MACROD2: variants seen among roughly 807,000 people sequenced by gnomAD.
MACROD2 encodes the protein ADP-ribose glycohydrolase MACROD2.
Under a neutral mutation model 70.4 loss-of-function variants are expected in MACROD2, and 36 were observed. That is an observed-to-expected ratio of 0.51 (90% CI 0.39 to 0.68). The LOEUF is 0.68. MACROD2 is among the 30% of genes least tolerant of loss of function. The pLI, the probability that MACROD2 is intolerant of heterozygous loss-of-function variation, is 0.00. For synonymous variants in MACROD2, 172 were observed against 178.8 expected, an observed-to-expected ratio of 0.96 and a Z score of 0.30; for missense variants, 496 against 538.4, an observed-to-expected ratio of 0.92 and a Z score of 0.78.
chr20:14,090,864 A>G (rs1394821724), intron 3 of MACROD2, among the ~76,000 whole-genome samples: 1 of 152,164 alleles, frequency 6.6e-6, no homozygotes, highest in Non-Finnish European at 1.5e-5. Context: ...TACGTTCCCA[A>G]CAGTGTGCGG....
chr20:14,418,050 A>C (rs1164302417), intron 3 of MACROD2, among the ~76,000 whole-genome samples: 1 of 152,070 alleles, frequency 6.6e-6, no homozygotes, highest in African/African-American at 2.4e-5. Context: ...CTTAACTATA[A>C]GCTAACTGAA....
chr20:14,351,965 CA>C (rs2083126813), intron 3 of MACROD2, among the ~76,000 whole-genome samples: 1 of 152,160 alleles, frequency 6.6e-6, no homozygotes, highest in African/African-American at 2.4e-5. Flanking sequence ...AATGCTTTTT[CA>C]GCAGCAATTG....
chr20:15,728,284 G>A (rs576004502), intron 8 of MACROD2, among the ~76,000 whole-genome samples: 26 of 152,094 alleles, frequency 1.7e-4, no homozygotes, highest in Admixed American at 5.2e-4. Flanking sequence ...TTTTTGATAT[G>A]CTACTGGATT....
intron 5 of MACROD2, among the ~76,000 whole-genome samples, chr20:14,689,471 C>G (rs146738291): frequency 6.6e-6 from 1 of 152,268 alleles, no homozygotes; most frequent in East Asian, 1.9e-4. Flanking sequence ...AAACGTAACT[C>G]TAATCCTCTC....
chr20:14,221,988 T>C (rs570569381), intron 3 of MACROD2, among the ~76,000 whole-genome samples: 15 of 152,170 alleles, frequency 9.9e-5, no homozygotes, highest in African/African-American at 3.6e-4. Flanking sequence ...ACAAAACAGA[T>C]GTTGGTGAGG....
intron 5 of MACROD2, among the ~76,000 whole-genome samples, chr20:14,819,751 G>A (rs184413453): frequency 1.3e-4 from 20 of 152,166 alleles, no homozygotes; most frequent in Admixed American, 1.0e-3. Context: ...TCAGGGGAGC[G>A]GAAAGGAGAG....
intron 4 of MACROD2, among the ~76,000 whole-genome samples, chr20:14,597,426 A>T (rs1982216330): frequency 6.6e-6 from 1 of 152,180 alleles, no homozygotes; most frequent in South Asian, 2.1e-4. Flanking sequence ...GAGTGCTCAA[A>T]GAGTGAGTTG....
intron 3 of MACROD2, among the ~76,000 whole-genome samples, chr20:14,457,936 C>T (rs1227124165): frequency 6.6e-6 from 1 of 151,960 alleles, no homozygotes; most frequent in African/African-American, 2.4e-5. Flanking sequence ...CTCATCTCTA[C>T]TAAAAATACA....
intron 4 of MACROD2, among the ~76,000 whole-genome samples, chr20:14,551,243 A>T (rs755236928): frequency 6.6e-6 from 1 of 152,310 alleles, no homozygotes; most frequent in South Asian, 2.1e-4. Flanking sequence ...TTGGTTCCTT[A>T]ATGCAGTGCA....
At chr20:15,596,873 A>G (rs2048752587) in intron 8 of MACROD2, among the ~76,000 whole-genome samples, 1 of 152,196 alleles carries the variant, frequency 6.6e-6, no homozygotes, top group Non-Finnish European at 1.5e-5. Context: ...CAAATTCTGA[A>G]TATGCATATT....
At chr20:15,973,696 C>G (rs1445578604) in intron 13 of MACROD2, among the ~76,000 whole-genome samples, 1 of 152,026 alleles carries the variant, frequency 6.6e-6, no homozygotes. Context: ...TTGACTTAAA[C>G]TCAATAAAAA....
At chr20:14,356,504 T>C (rs866719517) in intron 3 of MACROD2, among the ~76,000 whole-genome samples, 6 of 133,796 alleles carry the variant, frequency 4.5e-5, no homozygotes, top group Admixed American at 7.2e-5. Flanking sequence ...CTTTCTTTTT[T>C]TTTTTTTTTT....
At chr20:14,048,684 A>G (rs1324048246) in intron 2 of MACROD2, among the ~76,000 whole-genome samples, 1 of 152,180 alleles carries the variant, frequency 6.6e-6, no homozygotes, top group Non-Finnish European at 1.5e-5. Flanking sequence ...GGAGTACTTA[A>G]GCAAAATGAA....
chr20:14,592,616 A>T (rs1316681506), intron 4 of MACROD2, among the ~76,000 whole-genome samples: 1 of 152,064 alleles, frequency 6.6e-6, no homozygotes, highest in African/African-American at 2.4e-5. Flanking sequence ...TTTTGTAGCG[A>T]CAGGGCCTTG....
intron 3 of MACROD2, among the ~76,000 whole-genome samples, chr20:14,172,889 C>T (rs1340962884): frequency 1.3e-5 from 2 of 152,200 alleles, no homozygotes; most frequent in East Asian, 1.9e-4. Flanking sequence ...ACTATCTTTC[C>T]TTCATTTATG....
intron 8 of MACROD2, among the ~76,000 whole-genome samples, chr20:15,536,276 G>A (rs756694451): frequency 6.6e-6 from 1 of 152,170 alleles, no homozygotes; most frequent in Non-Finnish European, 1.5e-5. Flanking sequence ...CCTCCGAATA[G>A]GAATGGTGAA....
chr20:15,917,064 T>A (rs2147280271), intron 10 of MACROD2, among the ~76,000 whole-genome samples: 1 of 152,248 alleles, frequency 6.6e-6, no homozygotes, highest in Admixed American at 6.5e-5. Flanking sequence ...CTCCAGGATG[T>A]AGTTTGCAGA....
intron 5 of MACROD2, among the ~76,000 whole-genome samples, chr20:14,730,999 ACACACACACATG>A (rs2071589867): frequency 8.9e-6 from 1 of 112,418 alleles, no homozygotes; most frequent in African/African-American, 2.9e-5. Context: ...ACACACACAC[ACACACACACATG>A]CACACACACA....
At chr20:15,432,869 T>C (rs972480043) in intron 7 of MACROD2, among the ~76,000 whole-genome samples, 3 of 151,970 alleles carry the variant, frequency 2.0e-5, no homozygotes, top group East Asian at 3.9e-4. Flanking sequence ...GTAATATATA[T>C]GGTATACTAT....
Sources: gnomAD v4.1 joint callset for allele counts (sites outside exome capture counted in the v4.1 genomes callset) on GRCh38, gnomAD v4.1.1 for gene constraint, MANE v1.5 for transcripts, NCBI Gene and HGNC (gene_info 2026-07-23, HGNC 2026-07-21) for gene names.